The following ZNF28 variants were observed in gnomAD, a reference collection of about 807,000 sequenced individuals.
ZNF28 encodes the protein zinc finger protein KOX24.
ZNF28 carries 5 observed loss-of-function variants against 7.2 expected under a neutral mutation model. The observed-to-expected ratio is 0.70, with a 90% CI of 0.36 to 1.46. The LOEUF is 1.46. Among genes scored for constraint, ZNF28 ranks in the 40% most tolerant of loss-of-function variants. ZNF28 has a pLI of 0.03. For synonymous variants in ZNF28, 288 were observed against 292.4 expected, an observed-to-expected ratio of 0.99 and a Z score of 0.15; for missense variants, 879 against 866.6, an observed-to-expected ratio of 1.01 and a Z score of -0.18.
Position 52,800,816 on chromosome 19 carries a change from T to C in ZNF28, c.1029A>G (p.Ala343=). ...CTCCAGTGTGAATTATAGTATGTTTTGCTAGGTATGAATTACATGTGAAAG... is the reference window on the plus strand; with the variant it reads ...CTCCAGTGTGAATTATAGTATGTTTCGCTAGGTATGAATTACATGTGAAAG... ...DKAFTCNSYL[A]KHTIIHTGEK... Residue 343 remains alanine, a synonymous_variant, in exon 4 of 4, where the codon GCA becomes GCG. Coordinates refer to ENST00000457749, the MANE Select transcript of ZNF28 (RefSeq NM_006969.5). 1 of 1,614,144 alleles carries C rather than the reference T, an allele frequency of 6.2e-7. No individual in the cohort carries two copies. Among genetic ancestry groups the C allele is most frequent in the Non-Finnish European group, 8.5e-7 (1 of 1,180,002 alleles).
chr19:52,807,376 T>C (rs1483426321), intron 3 of ZNF28, among the ~76,000 whole-genome samples: 4 of 152,210 alleles, frequency 2.6e-5, no homozygotes, highest in African/African-American at 9.6e-5. Flanking sequence ...TAATATGTAG[T>C]ATGTGGACAT....
Position 52,801,214 on chromosome 19 carries a change from T to G in ZNF28, c.631A>C (p.Arg211=), listed in dbSNP as rs763710685. The change falls in exon 4 of 4, where the codon AGA becomes CGA. Residue 211 remains arginine, a synonymous_variant. Coordinates refer to ENST00000457749, the MANE Select transcript of ZNF28 (RefSeq NM_006969.5). ...LLTQKRNVHM[R]EKSFQCIESG... is the part of the protein sequence containing the mutation. ...TCAATACATTGGAAAGATTTTTCTCTCATGTGTACATTCCGTTTTTGTGTG... is the reference window on the plus strand; with the variant it reads ...TCAATACATTGGAAAGATTTTTCTCGCATGTGTACATTCCGTTTTTGTGTG... 1 of 1,614,158 alleles carries G rather than the reference T, an allele frequency of 6.2e-7. No individual in the cohort carries two copies. Among genetic ancestry groups the G allele is most frequent in the Non-Finnish European group, 8.5e-7 (1 of 1,180,038 alleles).
At chr19:52,818,151 G>A (rs148112400) in intron 1 of ZNF28, 120 bp from the exon 2 acceptor site, 571 of 1,080,902 alleles carry the variant, frequency 5.3e-4, no homozygotes, top group South Asian at 9.8e-4. Context: ...GCTGCCTACC[G>A]CACCACGAAC....
At chr19:52,804,773 G>C (rs1340921364) in intron 3 of ZNF28, among the ~76,000 whole-genome samples, 1 of 152,168 alleles carries the variant, frequency 6.6e-6, no homozygotes, top group Non-Finnish European at 1.5e-5. Context: ...TGAAAGTGCT[G>C]GGATTAGAAA....
In ZNF28 at chr19:52,813,400, G is replaced by A. The variant is rs553423173; in HGVS notation, c.15+4544C>T. 1.2e-3 allele frequency among the ~76,000 whole-genome samples: 175 copies of A among 152,070 alleles called. 21 individuals are homozygous for A. The highest frequency in any genetic ancestry group is 3.4e-3 in the African/African-American group (142 of 41,482). ...CACTCTGGGGATTCGCCATGGACAC[G>A]TCTCAACAGTGCAAGCTGCTCCCCG... On this transcript the variant is annotated intron_variant, in intron 2 of 3. Coordinates refer to ENST00000457749, the MANE Select transcript of ZNF28 (RefSeq NM_006969.5).
At chr19:52,804,694 G>A (rs773007675) in intron 3 of ZNF28, among the ~76,000 whole-genome samples, 6 of 151,916 alleles carry the variant, frequency 3.9e-5, no homozygotes, top group Admixed American at 6.6e-5. Flanking sequence ...TAGTAAATTC[G>A]AGGTTTCACC....
Position 52,814,355 on chromosome 19 carries a change from C to T in ZNF28, c.15+3589G>A, listed in dbSNP as rs2063095269. 2 of 146,528 alleles carry T rather than the reference C, an allele frequency of 1.4e-5. 1 individual carries two copies. The highest frequency in any genetic ancestry group is 5.3e-5 in the African/African-American group (2 of 37,766). 9.1% of individuals were successfully genotyped at this position (146,528 alleles called of 1,614,324 possible). The stretch of plus-strand genomic sequence containing the variant: ...TCTGTAATCCCAGCATTCTGTGAGG[C>T]TGAAGCAGGCGGATCACCTGAGGTC... On this transcript the variant is annotated intron_variant, in intron 2 of 3. Coordinates refer to ENST00000457749, the MANE Select transcript of ZNF28 (RefSeq NM_006969.5).
intron 3 of ZNF28, among the ~76,000 whole-genome samples, chr19:52,806,660 G>A (rs1473464602): frequency 2.7e-5 from 4 of 149,506 alleles, no homozygotes; most frequent in Admixed American, 1.3e-4. Flanking sequence ...CCAGTGTTTT[G>A]GGAATCTGAG....
rs1003235271 is a variant in ZNF28 at position 52,817,297 on chromosome 19, A to C, written c.15+647T>G. On this transcript the variant is annotated intron_variant, in intron 2 of 3. Coordinates refer to ENST00000457749, the MANE Select transcript of ZNF28 (RefSeq NM_006969.5). Reference sequence around the variant, plus strand: ...TGAGGCAGGAGAATCTCTTGAACCCAGGAGGCGGAGGTTGCGGTGAGCTGA... The same window carrying C: ...TGAGGCAGGAGAATCTCTTGAACCCCGGAGGCGGAGGTTGCGGTGAGCTGA... 2.6e-5 allele frequency among the ~76,000 whole-genome samples: 4 copies of C among 152,066 alleles called. No homozygotes were observed. In the East Asian group the frequency reaches 7.7e-4, roughly 29 times the overall value.
Position 52,800,485 on chromosome 19 carries a change from G to C in ZNF28, c.1360C>G (p.Leu454Val), listed in dbSNP as rs768483507. 6.2e-7 allele frequency: 1 copy of C among 1,613,652 alleles called. No individual in the cohort carries two copies. Among genetic ancestry groups the C allele is most frequent in the South Asian group, 1.1e-5 (1 of 91,032 alleles). The change falls in exon 4 of 4, where the codon CTT becomes GTT. Residue 454 changes from leucine (L) to valine (V), a missense_variant. Coordinates refer to ENST00000457749, the MANE Select transcript of ZNF28 (RefSeq NM_006969.5). ...CGKVFNQQSTLARHHRLHTAE... is the reference protein window; with the variant it reads ...CGKVFNQQSTVARHHRLHTAE... ...GTATGAAGTCTATGATGGCGTGCAAGAGTTGATTGTTGATTAAAAACCTTG... is the reference window on the plus strand; with the variant it reads ...GTATGAAGTCTATGATGGCGTGCAACAGTTGATTGTTGATTAAAAACCTTG...
intron 2 of ZNF28, chr19:52,810,121 C>T (rs2062999046): frequency 3.6e-6 from 3 of 830,160 alleles, no homozygotes; most frequent in South Asian, 2.7e-5. Flanking sequence ...GGGGAGGAGC[C>T]GGGACTGGTC....
At chr19:52,819,777 G>A (rs2147696369) in intron 1 of ZNF28, among the ~76,000 whole-genome samples, 1 of 143,748 alleles carries the variant, frequency 7.0e-6, no homozygotes, top group Non-Finnish European at 1.5e-5. Flanking sequence ...CTTTTGAAAG[G>A]TTCTGATGAA....
At chr19:52,816,575 A>G (rs1384887557) in intron 2 of ZNF28, among the ~76,000 whole-genome samples, 2 of 145,070 alleles carry the variant, frequency 1.4e-5, no homozygotes, top group African/African-American at 5.4e-5. Context: ...GAGGCAGGAG[A>G]ATGGCATGAA....
chr19:52,801,925 C>T (rs915345206), intron 3 of ZNF28, among the ~76,000 whole-genome samples: 1 of 152,140 alleles, frequency 6.6e-6, no homozygotes, highest in Non-Finnish European at 1.5e-5. Flanking sequence ...CATGACAAAA[C>T]ACTGACAGGG....
chr19:52,815,202 G>A lies in ZNF28; in HGVS notation c.15+2742C>T, dbSNP rs11670847. 1.2e-3 allele frequency among the ~76,000 whole-genome samples: 176 copies of A among 143,752 alleles called. 22 individuals carry two copies. Among genetic ancestry groups the A allele is most frequent in the African/African-American group, 4.6e-3 (169 of 36,362 alleles). The allele number at this position is 143,752 out of a possible 152,430, so 94.3% of individuals were successfully genotyped here. On this transcript the variant is annotated intron_variant, in intron 2 of 3. Transcript: ENST00000457749. ...TGGAAAGGATACTTTGGCAGTGGGA[G>A]GAAGGAGAGGAGCAGAAAAAATAAC...
intron 2 of ZNF28, chr19:52,810,648 G>T (rs773378723): frequency 4.0e-6 from 5 of 1,247,542 alleles, no homozygotes; most frequent in Non-Finnish European, 5.9e-6. Context: ...TTAACAGCAG[G>T]CTCTGGGGTC....
intron 3 of ZNF28, among the ~76,000 whole-genome samples, chr19:52,804,241 C>G (rs970204169): frequency 6.6e-6 from 1 of 152,204 alleles, no homozygotes; most frequent in African/African-American, 2.4e-5. Context: ...TTCCCACTTT[C>G]CAAATTCATG....
At chr19:52,801,763 T>A in intron 3 of ZNF28, 61 bp from the exon 4 acceptor site, 1 of 1,422,852 alleles carries the variant, frequency 7.0e-7, no homozygotes. Context: ...AATACTGAAA[T>A]GTGTAAATAT....
intron 3 of ZNF28, among the ~76,000 whole-genome samples, chr19:52,806,261 T>TGCAA (rs2062936006): frequency 6.6e-6 from 1 of 151,722 alleles, no homozygotes; most frequent in African/African-American, 2.4e-5. Context: ...CGGTGCGATC[T>TGCAA]CGGCTCACTG....
Sources: gnomAD v4.1 joint callset for allele counts (sites outside exome capture counted in the v4.1 genomes callset) on GRCh38, gnomAD v4.1.1 for gene constraint, MANE v1.5 for transcripts, NCBI Gene and HGNC (gene_info 2026-07-23, HGNC 2026-07-21) for gene names.